INO80: variants seen among roughly 807,000 people sequenced by gnomAD.
INO80 encodes the protein chromatin-remodeling ATPase INO80.
In INO80, 20 loss-of-function variants were observed where a neutral mutation model predicts 203.4. The observed-to-expected ratio is 0.10, with a 90% CI of 0.07 to 0.14. INO80 has a LOEUF of 0.14. Ranked by LOEUF, INO80 falls within the 10% of genes least tolerant of loss-of-function variation. INO80 has a pLI of 1.00. For synonymous variants in INO80, 726 were observed against 685.2 expected, an observed-to-expected ratio of 1.06 and a Z score of -0.93; for missense variants, 1,419 against 1,914.4, an observed-to-expected ratio of 0.74 and a Z score of 4.83.
intron 14 of INO80, among the ~76,000 whole-genome samples, 167 bp from the exon 15 acceptor site, chr15:41,060,093 AG>A (rs1460111957): frequency 1.3e-5 from 2 of 152,256 alleles, no homozygotes; most frequent in Non-Finnish European, 2.9e-5. Flanking sequence ...TTGTCCAAAT[AG>A]AAAGACACAC....
chr15:41,015,955 A>AG lies in INO80; in HGVS notation c.3402+132_3402+133insC, dbSNP rs1461031467. 3 of 728,360 alleles carry AG rather than the reference A, an allele frequency of 4.1e-6. No individual in the cohort carries two copies. In the African/African-American group the frequency reaches 5.4e-5, roughly 13 times the overall value. 45.1% of individuals were successfully genotyped at this position (728,360 alleles called of 1,614,324 possible). ...GTGAGACTCTGTCTCAAAAAAAAAA[A>AG]AAAAGGAAAAAGAAAAAAGACAAAA... is the stretch of plus-strand genomic sequence containing the variant. On this transcript the variant is annotated intron_variant, in intron 27 of 35. Transcript: ENST00000648947.
At chr15:41,099,284 C>A (rs1327397580) in intron 1 of INO80, among the ~76,000 whole-genome samples, 4 of 125,776 alleles carry the variant, frequency 3.2e-5, no homozygotes, top group Non-Finnish European at 3.4e-5. Context: ...CACACACACA[C>A]ACACAACAAG....
chr15:41,040,044 G>A (rs537419443), intron 24 of INO80, among the ~76,000 whole-genome samples: 2 of 152,236 alleles, frequency 1.3e-5, no homozygotes, highest in East Asian at 3.9e-4. Context: ...AAAAAGAGGT[G>A]AGATTAAAAT....
chr15:40,983,722 A>C (rs1893919279), intron 34 of INO80, 40 bp downstream of exon 34: 4 of 1,590,886 alleles, frequency 2.5e-6, no homozygotes, highest in Non-Finnish European at 3.4e-6. Context: ...AGTGCTGGGC[A>C]GTGGACCAGG....
Position 41,080,890 on chromosome 15 carries a change from A to C in INO80, c.927+130T>G, listed in dbSNP as rs1043949527. ...AAATAAACAGCTTGAGAACATTCAG[A>C]AACTCTCTTACGAACTATTAGATTC... On this transcript the variant is annotated intron_variant, in intron 8 of 35. Coordinates refer to ENST00000648947, the MANE Select transcript of INO80 (RefSeq NM_017553.3). 1.8e-5 allele frequency: 12 copies of C among 681,110 alleles called. 1 individual carries two copies. Among genetic ancestry groups the C allele is most frequent in the Non-Finnish European group, 3.2e-5 (12 of 379,872 alleles). The allele number at this position is 681,110 out of a possible 1,614,324, so 42.2% of individuals were successfully genotyped here.
intron 27 of INO80, among the ~76,000 whole-genome samples, chr15:41,013,789 G>A (rs1444916292): frequency 1.3e-5 from 2 of 152,136 alleles, no homozygotes; most frequent in Non-Finnish European, 2.9e-5. Context: ...ACATTTTCTG[G>A]TTTCAACATC....
chr15:41,054,903 G>A (rs2044955443), intron 18 of INO80, among the ~76,000 whole-genome samples: 1 of 152,146 alleles, frequency 6.6e-6, no homozygotes. Context: ...CTCCCAAAGT[G>A]CTGGGATTAC....
At chr15:41,001,893 T>C (rs1251844007) in intron 28 of INO80, among the ~76,000 whole-genome samples, 1 of 152,244 alleles carries the variant, frequency 6.6e-6, no homozygotes, top group Non-Finnish European at 1.5e-5. Flanking sequence ...ATTAAAATAT[T>C]TGGGAAGGAG....
intron 25 of INO80, among the ~76,000 whole-genome samples, chr15:41,021,707 G>A (rs2044297596): frequency 6.6e-6 from 1 of 152,216 alleles, no homozygotes; most frequent in Admixed American, 6.5e-5. Flanking sequence ...AAGGGGGAGT[G>A]CGGAGGCAGG....
chr15:41,069,187 G>A (rs974245139), intron 14 of INO80, among the ~76,000 whole-genome samples: 5 of 152,026 alleles, frequency 3.3e-5, no homozygotes, highest in Non-Finnish European at 5.9e-5. Flanking sequence ...GGAGTGCAGC[G>A]GCACATTCTC....
chr15:41,052,990 G>C (rs1210116263), intron 19 of INO80, among the ~76,000 whole-genome samples: 6 of 152,096 alleles, frequency 3.9e-5, no homozygotes, highest in Admixed American at 3.9e-4. Context: ...CCAAGATTGT[G>C]TCACTGCACT....
At chr15:41,026,703 T>C (rs573803566) in intron 25 of INO80, among the ~76,000 whole-genome samples, 2 of 152,322 alleles carry the variant, frequency 1.3e-5, no homozygotes, top group South Asian at 2.1e-4. Context: ...AGTTGCCTCT[T>C]GGAGCAAAAA....
At chr15:41,066,919 GA>G (rs1566935933) in intron 14 of INO80, among the ~76,000 whole-genome samples, 2 of 149,132 alleles carry the variant, frequency 1.3e-5, no homozygotes, top group African/African-American at 5.0e-5. Context: ...GATATCGAAA[GA>G]AAGTTCAACA....
chr15:41,074,660 T>C (rs1783873690), intron 9 of INO80, 95 bp from the exon 10 acceptor site: 1 of 799,130 alleles, frequency 1.3e-6, no homozygotes, highest in Non-Finnish European at 1.9e-6. Context: ...ACAATTCCTT[T>C]ACCAACTGTT....
In INO80 at chr15:41,050,031, A is replaced by T; in HGVS notation, c.2346T>A (p.Ile782=). 1 of 1,614,074 alleles carries T rather than the reference A, an allele frequency of 6.2e-7. No individual in the cohort carries two copies. Among genetic ancestry groups the T allele is most frequent in the Non-Finnish European group, 8.5e-7 (1 of 1,179,920 alleles). ...AAGACTGCAATAAATCCTCAATGGA[A>T]ATTTTGTTCTTTAGTGCCTGATATA... The part of the protein sequence containing the change: ...KLLYQALKNK[I]SIEDLLQSSM... Residue 782 remains isoleucine, a synonymous_variant, in exon 20 of 36, where the codon ATT becomes ATA. Transcript: ENST00000648947.
chr15:41,104,694 C>T (rs981336274), intron 1 of INO80, among the ~76,000 whole-genome samples: 2 of 151,886 alleles, frequency 1.3e-5, no homozygotes, highest in African/African-American at 4.9e-5. Context: ...TGAGCCACCA[C>T]ACCTGGCTAA....
chr15:41,058,551 CTGTGTGTGTGTGTGTGTGCGTG>C (rs2045038389), intron 16 of INO80, 66 bp downstream of exon 16: 10 of 872,496 alleles, frequency 1.1e-5, no homozygotes, highest in Admixed American at 2.6e-5. Context: ...ATATACAAGT[CTGTGTGTGTGTGTGTGTGCGTG>C]TGTGTGTGTG....
At chr15:41,046,170 T>C (rs543027923) in intron 23 of INO80, among the ~76,000 whole-genome samples, 5 of 117,504 alleles carry the variant, frequency 4.3e-5, no homozygotes, top group African/African-American at 1.2e-4. Flanking sequence ...TCTGTGTGTG[T>C]GTGTGTCTGT....
intron 6 of INO80, among the ~76,000 whole-genome samples, chr15:41,086,090 G>A (rs538684068): frequency 1.3e-5 from 2 of 152,264 alleles, no homozygotes; most frequent in South Asian, 2.1e-4. Flanking sequence ...TCAAAGGAAG[G>A]AAACTTATTT....
Sources: allele counts gnomAD v4.1 joint callset (sites outside exome capture counted in the v4.1 genomes callset), GRCh38; gene constraint gnomAD v4.1.1; transcripts MANE v1.5; gene names NCBI Gene and HGNC (gene_info 2026-07-23, HGNC 2026-07-21).